Variants in MAPK6 observed in about 807,000 individuals in gnomAD.
MAPK6 encodes mitogen-activated protein kinase 6.
MAPK6 carries 19 observed loss-of-function variants against 59.3 expected under a neutral mutation model. The observed-to-expected ratio is 0.32, with a 90% CI of 0.22 to 0.47. The LOEUF (loss-of-function observed/expected upper bound fraction) is 0.47, where lower values mean the gene tolerates loss of function less well. MAPK6 is among the 20% of genes least tolerant of loss of function. The probability of loss-of-function intolerance (pLI) is 1.00; values close to 1 mark genes in which losing one functional copy is unlikely to be tolerated. For missense variants in MAPK6, 724 were observed against 847.9 expected (o/e 0.85, Z 1.81); for synonymous variants, 316 against 290.3 (o/e 1.09, Z -0.90).
At chr15:52,052,393 C>T (rs2031812093) in intron 3 of MAPK6, among the ~76,000 whole-genome samples, 1 of 152,178 alleles carries the variant, frequency 6.6e-6, no homozygotes, top group African/African-American at 2.4e-5. Flanking sequence ...GTATATCTTT[C>T]TTTAAAAAGT....
intron 3 of MAPK6, among the ~76,000 whole-genome samples, chr15:52,053,198 C>T (rs996979319): frequency 1.1e-4 from 17 of 151,946 alleles, no homozygotes; most frequent in East Asian, 1.9e-4. Context: ...CTCAGCCTCC[C>T]GAGTAGCTGG....
chr15:51,980,833 C>T (rs1214504136), intron 1 of MAPK6, among the ~76,000 whole-genome samples: 2 of 151,328 alleles, frequency 1.3e-5, no homozygotes, highest in Admixed American at 6.6e-5. Context: ...CTCAGGTGGT[C>T]CGCCCACCTC....
At chr15:52,024,881 T>TC (rs2030700515) in intron 1 of MAPK6, among the ~76,000 whole-genome samples, 1 of 142,274 alleles carries the variant, frequency 7.0e-6, no homozygotes, top group South Asian at 2.2e-4. Context: ...ACACTGCCTT[T>TC]TTTTTTTTTT....
rs150250447 is a variant in MAPK6 at position 52,063,939 on chromosome 15, G to C, written c.1105G>C (p.Val369Leu). 4 of 1,595,368 alleles carry C rather than the reference G, an allele frequency of 2.5e-6. No homozygotes were observed. Among genetic ancestry groups the C allele is most frequent in the Non-Finnish European group, 3.4e-6 (4 of 1,170,730 alleles). Reference protein sequence around the residue: ...DCQFSEHDWPVHNNFDIDEVQ... With the variant: ...DCQFSEHDWPLHNNFDIDEVQ... ...TCAGTTTTCAGAGCATGATTGGCCT[G>C]TACATAACAACTTTGATATTGATGA... Residue 369 changes from valine (V) to leucine (L), a missense_variant, in exon 6 of 6, where the codon GTA becomes CTA. Physicochemically the swap from Val to Leu is conservative, Grantham distance 32 (BLOSUM62 1). Transcript: ENST00000261845.
chr15:52,004,558 A>C (rs376667380), intron 3 of MAPK6, among the ~76,000 whole-genome samples: 9 of 152,272 alleles, frequency 5.9e-5, no homozygotes, highest in African/African-American at 1.7e-4. Context: ...AATAATTTAT[A>C]AAGGAAAAAA....
At chr15:52,008,445 T>C (rs1232951821) in intron 3 of MAPK6, among the ~76,000 whole-genome samples, 4 of 152,154 alleles carry the variant, frequency 2.6e-5, no homozygotes, top group Non-Finnish European at 5.9e-5. Flanking sequence ...TATTAATACT[T>C]ATTTGCTTTG....
At chr15:52,050,527 T>G (rs193041262) in intron 3 of MAPK6, among the ~76,000 whole-genome samples, 215 of 152,348 alleles carry the variant, frequency 1.4e-3, no homozygotes, top group African/African-American at 5.0e-3. Flanking sequence ...AGTAATTTTT[T>G]GTTAAGTTTG....
At chr15:52,034,194 A>G (rs867861828) in intron 1 of MAPK6, among the ~76,000 whole-genome samples, 24 of 152,262 alleles carry the variant, frequency 1.6e-4, no homozygotes, top group South Asian at 4.1e-4. Context: ...CATGTTCGCC[A>G]GGCTGGTTTC....
At chr15:52,061,099 CTT>C (rs1213776364) in intron 4 of MAPK6, among the ~76,000 whole-genome samples, 198 bp from the exon 5 acceptor site, 1 of 152,168 alleles carries the variant, frequency 6.6e-6, no homozygotes, top group Non-Finnish European at 1.5e-5. Context: ...GACAAATTAA[CTT>C]TTTAATTGTG....
chr15:52,047,076 T>C, intron 2 of MAPK6, 61 bp downstream of exon 2: 1 of 1,219,658 alleles, frequency 8.2e-7, no homozygotes, highest in South Asian at 2.3e-5. Context: ...CAGGAATAGG[T>C]ACTTATATTT....
chr15:52,004,444 G>A (rs891016639), intron 3 of MAPK6: 1 of 152,202 alleles, frequency 6.6e-6, no homozygotes, highest in Non-Finnish European at 1.5e-5. Context: ...GTTGGTATCT[G>A]AGGGGTTATA....
chr15:52,060,095 C>T (rs1028943518), intron 4 of MAPK6, among the ~76,000 whole-genome samples: 4 of 152,140 alleles, frequency 2.6e-5, no homozygotes, highest in Non-Finnish European at 2.9e-5. Context: ...AAGCATGGTT[C>T]AGCACCATTG....
intron 1 of MAPK6, among the ~76,000 whole-genome samples, chr15:52,027,082 G>A (rs1382366088): frequency 1.3e-5 from 2 of 150,914 alleles, no homozygotes; most frequent in African/African-American, 2.4e-5. Flanking sequence ...AGCCGGGCGC[G>A]GTGGCTAATG....
At chr15:52,026,014 C>A (rs532223514) in intron 1 of MAPK6, among the ~76,000 whole-genome samples, 1 of 152,294 alleles carries the variant, frequency 6.6e-6, no homozygotes, top group East Asian at 1.9e-4. Context: ...TGCTGATTTT[C>A]TAATTGATAC....
intron 1 of MAPK6, among the ~76,000 whole-genome samples, chr15:51,972,678 C>T (rs1449018297): frequency 6.7e-6 from 1 of 149,328 alleles, no homozygotes; most frequent in Admixed American, 6.7e-5. Context: ...AAAAATTAGC[C>T]GGGCGTGGTT....
intron 1 of MAPK6, among the ~76,000 whole-genome samples, chr15:52,039,705 A>G (rs1050343902): frequency 1.3e-5 from 2 of 151,472 alleles, no homozygotes; most frequent in Non-Finnish European, 2.9e-5. Context: ...TAGTAGAGAC[A>G]GGGGTTTTAC....
intron 1 of MAPK6, among the ~76,000 whole-genome samples, chr15:51,974,694 A>G (rs1265358121): frequency 1.4e-5 from 2 of 146,210 alleles, no homozygotes; most frequent in African/African-American, 2.5e-5. Context: ...TGATCTTGAC[A>G]TTTGTTCCTA....
At chr15:52,043,018 G>A (rs1184610998) in intron 1 of MAPK6, among the ~76,000 whole-genome samples, 3 of 152,082 alleles carry the variant, frequency 2.0e-5, no homozygotes, top group Non-Finnish European at 4.4e-5. Flanking sequence ...CAGCTACTTG[G>A]GGGGCTGAGG....
intron 3 of MAPK6, among the ~76,000 whole-genome samples, 174 bp from the exon 4 acceptor site, chr15:52,058,459 G>A (rs976031879): frequency 1.3e-5 from 2 of 152,126 alleles, no homozygotes; most frequent in African/African-American, 4.8e-5. Flanking sequence ...TCAGTAAGCA[G>A]AAATTGAAAT....
Sources: allele counts gnomAD v4.1 joint callset (sites outside exome capture counted in the v4.1 genomes callset), GRCh38; gene constraint gnomAD v4.1.1; transcripts MANE v1.5; gene names NCBI Gene and HGNC (gene_info 2026-07-23, HGNC 2026-07-21).